The following NDOR1 variants were observed in gnomAD, a reference collection of about 807,000 sequenced individuals.
NDOR1 encodes the protein NADPH dependent diflavin oxidoreductase 1, also known as NADPH-dependent diflavin oxidoreductase 1.
NDOR1 carries 61 observed loss-of-function variants against 67.2 expected under a neutral mutation model. The observed-to-expected ratio is 0.91, with a 90% CI of 0.74 to 1.12. NDOR1 has a LOEUF of 1.12. Ranked by LOEUF, NDOR1 falls within the 50% of genes most tolerant of loss-of-function variation. The probability of loss-of-function intolerance (pLI) is 0.00; values close to 1 mark genes in which losing one functional copy is unlikely to be tolerated. For synonymous variants in NDOR1, 378 were observed against 343.7 expected (o/e 1.10, Z -1.10); for missense variants, 878 against 802.8 (o/e 1.09, Z -1.13).
chr9:137,215,297 G>GTGACGTTCCCCCAGTCGGAC (rs1169230942), intron 9 of NDOR1, 95 bp downstream of exon 9: 40 of 1,538,458 alleles, frequency 2.6e-5, no homozygotes, highest in Non-Finnish European at 3.6e-5. Context: ...CTCTGACCAG[G>GTGACGTTCCCCCAGTCGGAC]TGACGTTCCC....
At chr9:137,210,720 A>G (rs1389413189) in intron 2 of NDOR1, among the ~76,000 whole-genome samples, 1 of 151,940 alleles carries the variant, frequency 6.6e-6, no homozygotes, top group African/African-American at 2.4e-5. Context: ...GGTGACACAC[A>G]CCTGTAATCC....
At chr9:137,211,971 G>A (rs1835282433) in intron 2 of NDOR1, among the ~76,000 whole-genome samples, 1 of 152,140 alleles carries the variant, frequency 6.6e-6, no homozygotes. Context: ...CTGCAGCCAC[G>A]GAAGGAGGGG....
At chr9:137,206,597 C>T (rs1017810205) in intron 2 of NDOR1, among the ~76,000 whole-genome samples, 1 of 152,142 alleles carries the variant, frequency 6.6e-6, no homozygotes, top group Non-Finnish European at 1.5e-5. Context: ...GACTGTATGA[C>T]CCTCAGGGAA....
In NDOR1 at chr9:137,216,248, G is replaced by A. The variant is rs775082417; in HGVS notation, c.1650-24G>A. The A allele has an allele frequency of 9.3e-6, 15 of 1,612,636 alleles. No individual in the cohort carries two copies. In the African/African-American group the frequency reaches 9.3e-5, roughly 10 times the overall value. ...GCCCCTGAGTGCCAGGCCTCATTGCGCCTTCTGCGACCTGCCCCTCTAGCA... is the reference window on the plus strand; with the variant it reads ...GCCCCTGAGTGCCAGGCCTCATTGCACCTTCTGCGACCTGCCCCTCTAGCA... On this transcript the variant is annotated intron_variant, in intron 13 of 13. Transcript: ENST00000684003.
At position 137,216,463 on chromosome 9, in the gene NDOR1, C is replaced by G. The variant is rs756628524; in HGVS notation, c.*47C>G. The G allele has an allele frequency of 1.9e-6, 3 of 1,568,108 alleles. No homozygotes were observed. The highest frequency in any genetic ancestry group is 1.4e-5 in the African/African-American group (1 of 73,746). ...CCTCTGACAGCCATCCTCCTGGGAG[C>G]CCAGGAAGGCATCCACGAGGGAGCT... On this transcript the variant is annotated 3_prime_UTR_variant, in exon 14 of 14. Coordinates refer to ENST00000684003, the MANE Select transcript of NDOR1 (RefSeq NM_014434.4).
chr9:137,209,546 C>T (rs1835148070), intron 2 of NDOR1, among the ~76,000 whole-genome samples: 1 of 152,164 alleles, frequency 6.6e-6, no homozygotes, highest in African/African-American at 2.4e-5. Context: ...CTAATGCCCA[C>T]AGCGGGAACT....
In NDOR1 at chr9:137,214,982, T is replaced by C. The variant is rs145733004; in HGVS notation, c.1029T>C (p.Phe343=). 3.1e-6 allele frequency: 5 copies of C among 1,613,322 alleles called. No individual in the cohort carries two copies. In the African/African-American group the frequency reaches 6.7e-5, roughly 22 times the overall value. The change falls in exon 8 of 14, where the codon TTT becomes TTC. Residue 343 remains phenylalanine, a synonymous_variant. Coordinates refer to ENST00000684003, the MANE Select transcript of NDOR1 (RefSeq NM_014434.4). ...FSSAQGQEEL[F]EYCNRPRRTI... ...CTGCCCAAGGCCAGGAGGAGCTCTT[T>C]GAATACTGCAACCGGCCCCGCAGGA...
chr9:137,208,243 A>G (rs1254944769), intron 2 of NDOR1, among the ~76,000 whole-genome samples: 1 of 150,684 alleles, frequency 6.6e-6, no homozygotes, highest in Non-Finnish European at 1.5e-5. Context: ...AGGTCAGGAG[A>G]TCGAGACCAT....
In NDOR1 at chr9:137,216,673, AC is replaced by A; in HGVS notation, c.*262del. 1 of 499,928 alleles carries A rather than the reference AC, an allele frequency of 2.0e-6. No individual in the cohort carries two copies. Among genetic ancestry groups the A allele is most frequent in the Non-Finnish European group, 3.6e-6 (1 of 278,466 alleles). 31.0% of individuals were successfully genotyped at this position (499,928 alleles called of 1,614,324 possible). ...CAGTGAGCTGTGTCCTCGTCCCCCC[AC>A]CCCCTTCCCAGTCAAGGTGGTGGCC... On this transcript the variant is annotated 3_prime_UTR_variant, in exon 14 of 14. Transcript: ENST00000684003.
At chr9:137,215,064 C>T (rs1835481632) in intron 8 of NDOR1, 31 bp from the exon 9 acceptor site, 2 of 1,613,264 alleles carry the variant, frequency 1.2e-6, no homozygotes, top group East Asian at 2.2e-5. Context: ...TACAGCCACG[C>T]TGCAGCCACC....
chr9:137,213,504 C>T (rs1328745403), intron 3 of NDOR1, among the ~76,000 whole-genome samples: 2 of 152,162 alleles, frequency 1.3e-5, no homozygotes, highest in Admixed American at 6.5e-5. Context: ...ATCAGTGGGA[C>T]GAGGCCGCCT....
In NDOR1 at chr9:137,218,914, C is replaced by T. The variant is rs1835761286; in HGVS notation, c.*2498C>T. The T allele has an allele frequency of 9.2e-6, 3 of 326,826 alleles. No homozygotes were observed. The highest frequency in any genetic ancestry group is 4.3e-5 in the African/African-American group (2 of 46,992). The allele number at this position is 326,826 out of a possible 1,614,324, so 20.2% of individuals were successfully genotyped here. A position where few individuals can be genotyped will look rare whatever the true frequency, so the allele number is the denominator to read the frequency against. Reference sequence around the variant, plus strand: ...GTCTGTGAGCAGGACCCCATTCACCCTGCGGCAGACGGGCACCGTACTGGC... The same window carrying T: ...GTCTGTGAGCAGGACCCCATTCACCTTGCGGCAGACGGGCACCGTACTGGC... On this transcript the variant is annotated 3_prime_UTR_variant, in exon 14 of 14. Coordinates refer to ENST00000684003, the MANE Select transcript of NDOR1 (RefSeq NM_014434.4).
At position 137,212,770 on chromosome 9, in the gene NDOR1, C is replaced by T. The variant is rs1205591857; in HGVS notation, c.311+171C>T. The T allele has an allele frequency of 2.1e-5, 13 of 630,062 alleles. No individual in the cohort carries two copies. Among genetic ancestry groups the T allele is most frequent in the Non-Finnish European group, 3.4e-5 (12 of 354,992 alleles). The allele number at this position is 630,062 out of a possible 1,614,324, so 39.0% of individuals were successfully genotyped here. On this transcript the variant is annotated intron_variant, in intron 3 of 13. Coordinates refer to ENST00000684003, the MANE Select transcript of NDOR1 (RefSeq NM_014434.4). The surrounding 1 kb of genome is among the most constrained non-coding windows in gnomAD (Gnocchi z 4.3). ...TCCCTGGTGGGCACCCCAGGCTTCA[C>T]GCTGCGGGGAGGGCACAGAGGGGAG...
In NDOR1 at chr9:137,213,869, A is replaced by G. The variant is rs776861423; in HGVS notation, c.401A>G (p.His134Arg). 1.2e-6 allele frequency: 2 copies of G among 1,610,666 alleles called. No homozygotes were observed. The highest frequency in any genetic ancestry group is 1.7e-5 in the Admixed American group (1 of 59,336). Residue 134 changes from histidine to arginine, a missense_variant, in exon 4 of 14, where the codon CAT becomes CGT. Transcript: ENST00000684003. ...CCCGTGTGCCTGGGCGATGACCAGC[A>G]TGAGCTGGGGTGAGTCTGCGGGCGT... is the stretch of plus-strand genomic sequence containing the variant. ...LLPVCLGDDQ[H>R]ELGPDAAVDP...
At position 137,218,300 on chromosome 9, in the gene NDOR1, C is replaced by T. The variant is rs918567083; in HGVS notation, c.*1884C>T. 4 of 398,206 alleles carry T rather than the reference C, an allele frequency of 1.0e-5. No individual in the cohort carries two copies. The East Asian group carries it at 1.4e-4, about 14-fold the overall frequency. 24.7% of individuals were successfully genotyped at this position (398,206 alleles called of 1,614,324 possible). The stretch of plus-strand genomic sequence containing the variant: ...GCTACAGGCCGACGGGCCCTCACGC[C>T]AGCCCCGCCGAGAGGCCCCTGCATC... On this transcript the variant is annotated 3_prime_UTR_variant, in exon 14 of 14. Coordinates refer to ENST00000684003, the MANE Select transcript of NDOR1 (RefSeq NM_014434.4).
In NDOR1 at chr9:137,217,364, G is replaced by C. The variant is rs569477164; in HGVS notation, c.*948G>C. On this transcript the variant is annotated 3_prime_UTR_variant, in exon 14 of 14. Coordinates refer to ENST00000684003, the MANE Select transcript of NDOR1 (RefSeq NM_014434.4). ...CTGGGAAGGCGGAACCAAGCCGTCC[G>C]TGCCGCTAGGGAGCCGAGACTGCCG... The C allele has an allele frequency of 6.6e-6, 1 of 152,478 alleles. No individual in the cohort carries two copies. Among genetic ancestry groups the C allele is most frequent in the African/African-American group, 2.4e-5 (1 of 41,460 alleles). 9.4% of individuals were successfully genotyped at this position (152,478 alleles called of 1,614,324 possible).
At chr9:137,215,579 C>T in intron 10 of NDOR1, 58 bp downstream of exon 10, 1 of 1,608,036 alleles carries the variant, frequency 6.2e-7, no homozygotes, top group Non-Finnish European at 8.5e-7. Flanking sequence ...CTCCCATGCT[C>T]ATGCAAATGC....
In NDOR1 at chr9:137,214,849, T is replaced by C. The variant is rs149246519; in HGVS notation, c.896T>C (p.Val299Ala). ...LPQPCSMRHL[V>A]SHYLDIASVP... ...CAGCCCTGCTCCATGCGGCACCTCG[T>C]GTCCCACTACCTGGACATCGCCAGC... Residue 299 changes from valine to alanine, a missense_variant, in exon 8 of 14, where the codon GTG (valine) becomes GCG (alanine). Physicochemically the swap from Val to Ala is moderately conservative, Grantham distance 64. Coordinates refer to ENST00000684003, the MANE Select transcript of NDOR1 (RefSeq NM_014434.4). The C allele has an allele frequency of 1.9e-5, 31 of 1,609,452 alleles. No individual in the cohort carries two copies. The African/African-American group carries it at 4.1e-4, about 21-fold the overall frequency.
intron 5 of NDOR1, 41 bp downstream of exon 5, chr9:137,214,109 C>T (rs1398024029): frequency 1.3e-6 from 2 of 1,529,952 alleles, no homozygotes; most frequent in Admixed American, 2.0e-5. Context: ...GCAGCAGACC[C>T]AACCTGGCCT....
Sources: gnomAD v4.1 joint callset for allele counts (sites outside exome capture counted in the v4.1 genomes callset) on GRCh38, gnomAD v4.1.1 for gene constraint, Gnocchi (gnomAD v3.1) non-coding constraint, MANE v1.5 for transcripts, NCBI Gene and HGNC (gene_info 2026-07-23, HGNC 2026-07-21) for gene names.